Variants in FOXN3 observed in about 807,000 individuals in gnomAD.
FOXN3 encodes the protein forkhead box protein N3.
A neutral mutation model predicts 38.4 loss-of-function variants in FOXN3; 7 were observed. The ratio of observed to expected loss-of-function variants is 0.18; its 90% confidence interval spans 0.10 to 0.34. The LOEUF (loss-of-function observed/expected upper bound fraction) is 0.34, where lower values mean the gene tolerates loss of function less well. FOXN3 is among the 10% of genes least tolerant of loss of function. The pLI, the probability that FOXN3 is intolerant of heterozygous loss-of-function variation, is 1.00. For synonymous variants in FOXN3, 230 were observed against 242.2 expected (o/e 0.95, Z 0.47); for missense variants, 456 against 613.4 (o/e 0.74, Z 2.71).
intron 1 of FOXN3, among the ~76,000 whole-genome samples, chr14:89,551,884 G>A (rs1386067669): frequency 5.3e-5 from 8 of 152,160 alleles, no homozygotes; most frequent in Admixed American, 2.0e-4. Context: ...GAGCTGTTTG[G>A]TCTGTTTTTG....
chr14:89,183,938 A>C (rs1486748863), intron 4 of FOXN3: 2 of 152,146 alleles, frequency 1.3e-5, no homozygotes, highest in Non-Finnish European at 2.9e-5. Context: ...GACAAAAATG[A>C]TATTTACCCA....
At chr14:89,444,310 C>A (rs190479245) in intron 1 of FOXN3, among the ~76,000 whole-genome samples, 21 of 151,118 alleles carry the variant, frequency 1.4e-4, no homozygotes, top group African/African-American at 5.1e-4. Flanking sequence ...GAAACCAATT[C>A]TTTATTTTAA....
Position 89,161,574 on chromosome 14 carries a change from T to TGTGTGTGTGC in FOXN3, c.*839_*840insGCACACACAC, listed in dbSNP as rs1555407804. 1.4e-5 allele frequency: 2 copies of TGTGTGTGTGC among 145,010 alleles called. No homozygotes were observed. Among genetic ancestry groups the TGTGTGTGTGC allele is most frequent in the African/African-American group, 5.0e-5 (2 of 40,102 alleles). 9.0% of individuals were successfully genotyped at this position (145,010 alleles called of 1,614,324 possible). A position where few individuals can be genotyped will look rare whatever the true frequency, so the allele number is the denominator to read the frequency against. On this transcript the variant is annotated 3_prime_UTR_variant, in exon 6 of 6. Transcript: ENST00000557258. ...TCTCCTTCGTGTGTGTGTGTGTGTG[T>TGTGTGTGTGC]GTGTGTGTGTGTGTGTGTGTGTGCG... is the stretch of plus-strand genomic sequence containing the variant.
chr14:89,335,681 T>A (rs79480268), intron 3 of FOXN3, among the ~76,000 whole-genome samples: 1 of 152,250 alleles, frequency 6.6e-6, no homozygotes, highest in Admixed American at 6.5e-5. Flanking sequence ...GCTAATTATA[T>A]CTATTCATTT....
At chr14:89,180,663 T>C in intron 5 of FOXN3, 38 bp downstream of exon 5, 1 of 1,476,980 alleles carries the variant, frequency 6.8e-7, no homozygotes, top group South Asian at 1.3e-5. Flanking sequence ...CCCTTCCCAC[T>C]CCCCAGGCTG....
At chr14:89,290,494 C>G in intron 3 of FOXN3, 1 of 473,712 alleles carries the variant, frequency 2.1e-6, no homozygotes, top group South Asian at 1.8e-5. Flanking sequence ...CAGTTTTCCA[C>G]TGGAATGGAG....
At chr14:89,306,027 C>T (rs1378585505) in intron 3 of FOXN3, among the ~76,000 whole-genome samples, 1 of 152,142 alleles carries the variant, frequency 6.6e-6, no homozygotes, top group Non-Finnish European at 1.5e-5. Flanking sequence ...ATGAGAACAC[C>T]ACCACCATTT....
At chr14:89,201,183 C>G (rs1311937309) in intron 4 of FOXN3, among the ~76,000 whole-genome samples, 1 of 152,204 alleles carries the variant, frequency 6.6e-6, no homozygotes, top group East Asian at 1.9e-4. Context: ...CCCTTTGCAT[C>G]TCATCCAGTT....
intron 3 of FOXN3, among the ~76,000 whole-genome samples, chr14:89,315,720 G>C (rs1044895239): frequency 1.3e-5 from 2 of 152,192 alleles, no homozygotes; most frequent in African/African-American, 4.8e-5. Flanking sequence ...TTGCATACCA[G>C]CTCTGAGTTC....
intron 1 of FOXN3, among the ~76,000 whole-genome samples, chr14:89,525,631 TAAAAA>T (rs55848557): frequency 2.4e-5 from 3 of 123,886 alleles, no homozygotes; most frequent in Non-Finnish European, 3.5e-5. Context: ...TTGTTTTCAC[TAAAAA>T]AAAAAAAAAA....
At chr14:89,430,219 AG>A (rs1451891263) in intron 1 of FOXN3, among the ~76,000 whole-genome samples, 1 of 152,220 alleles carries the variant, frequency 6.6e-6, no homozygotes, top group Non-Finnish European at 1.5e-5. Flanking sequence ...AAAAGTACAA[AG>A]CTTTTTCCAC....
At chr14:89,601,307 G>A (rs1407573212) in intron 1 of FOXN3, among the ~76,000 whole-genome samples, 1 of 152,150 alleles carries the variant, frequency 6.6e-6, no homozygotes. Flanking sequence ...CAAAACACAG[G>A]CTTTATCAGC....
chr14:89,188,739 T>C (rs981416484), intron 4 of FOXN3, among the ~76,000 whole-genome samples: 3 of 152,238 alleles, frequency 2.0e-5, no homozygotes, highest in Non-Finnish European at 1.5e-5. Flanking sequence ...ATGTTTCCAC[T>C]GGGTTGAGTT....
At chr14:89,560,853 G>T (rs914078009) in intron 1 of FOXN3, among the ~76,000 whole-genome samples, 1 of 152,192 alleles carries the variant, frequency 6.6e-6, no homozygotes, top group African/African-American at 2.4e-5. Flanking sequence ...TGGAAACCAG[G>T]TCTCCCTTTG....
Position 89,157,960 on chromosome 14 carries a change from G to A in FOXN3, c.*4454C>T, listed in dbSNP as rs1887017168. 1 of 152,544 alleles carries A rather than the reference G, an allele frequency of 6.6e-6. No individual in the cohort carries two copies. The highest frequency in any genetic ancestry group is 1.5e-5 in the Non-Finnish European group (1 of 68,016). The allele number at this position is 152,544 out of a possible 1,614,324, so 9.4% of individuals were successfully genotyped here. ...GATGAAAGAAAAATACTTCTCTACAGAAACATAAAAATCAATTGCAACATC... is the reference window on the plus strand; with the variant it reads ...GATGAAAGAAAAATACTTCTCTACAAAAACATAAAAATCAATTGCAACATC... On this transcript the variant is annotated 3_prime_UTR_variant, in exon 6 of 6. Coordinates refer to ENST00000557258, the MANE Select transcript of FOXN3 (RefSeq NM_005197.4).
Position 89,484,463 on chromosome 14 carries a change from A to T in FOXN3, c.-14-71973T>A, listed in dbSNP as rs900712169. Among the ~76,000 whole-genome samples the T allele has an allele frequency of 8.5e-5, 13 of 152,238 alleles. No individual in the cohort carries two copies. Among genetic ancestry groups the T allele is most frequent in the African/African-American group, 3.1e-4 (13 of 41,480 alleles). ...GGACACTGAAATTTGCATTCCATAT[A>T]CATTTCATAAGGCACAAAATTTTAT... is the stretch of plus-strand genomic sequence containing the variant. On this transcript the variant is annotated intron_variant, in intron 1 of 6. Transcript: ENST00000345097. The surrounding 1 kb of genome is among the most constrained non-coding windows in gnomAD (Gnocchi z 4.0).
chr14:89,447,502 T>C (rs1173174019), intron 1 of FOXN3, among the ~76,000 whole-genome samples: 1 of 152,080 alleles, frequency 6.6e-6, no homozygotes, highest in Non-Finnish European at 1.5e-5. Context: ...GTATAAAGTG[T>C]CTTTCTGAAC....
chr14:89,231,471 G>T lies in FOXN3; in HGVS notation c.745+49479C>A, dbSNP rs143168359. Among the ~76,000 whole-genome samples, 253 of 152,238 alleles carry T rather than the reference G, an allele frequency of 1.7e-3. 2 individuals carry two copies. Among genetic ancestry groups the T allele is most frequent in the African/African-American group, 5.9e-3 (244 of 41,550 alleles). Reference sequence around the variant, plus strand: ...AACAAGCCAGGTGATCCAAGAGGGAGGGTGGCTGAGACTGAAAAAGAATGC... The same window carrying T: ...AACAAGCCAGGTGATCCAAGAGGGATGGTGGCTGAGACTGAAAAAGAATGC... On this transcript the variant is annotated intron_variant, in intron 4 of 5. Transcript: ENST00000557258.
intron 1 of FOXN3, among the ~76,000 whole-genome samples, chr14:89,505,777 T>A (rs1214076410): frequency 1.3e-5 from 2 of 149,812 alleles, no homozygotes; most frequent in Non-Finnish European, 3.0e-5. Context: ...GGCTGCCCAG[T>A]CTGGAAAGTG....
Sources: allele counts gnomAD v4.1 joint callset (sites outside exome capture counted in the v4.1 genomes callset), GRCh38; gene constraint gnomAD v4.1.1; non-coding constraint Gnocchi (gnomAD v3.1); transcripts MANE v1.5; gene names NCBI Gene and HGNC (gene_info 2026-07-23, HGNC 2026-07-21).